SOX30: variants seen among roughly 807,000 people sequenced by gnomAD.
SOX30 encodes the protein transcription factor SOX-30.
Under a neutral mutation model 58.6 loss-of-function variants are expected in SOX30, and 17 were observed. The ratio of observed to expected loss-of-function variants is 0.29; its 90% CI spans 0.20 to 0.44. The LOEUF (loss-of-function observed/expected upper bound fraction) is 0.44, where lower values mean the gene tolerates loss of function less well. Ranked by LOEUF, SOX30 falls within the 20% of genes least tolerant of loss-of-function variation. The pLI is 1.00. For synonymous variants in SOX30, 421 were observed against 400.2 expected (o/e 1.05, Z -0.62); for missense variants, 951 against 965.8 (o/e 0.98, Z 0.20).
intron 2 of SOX30, among the ~76,000 whole-genome samples, chr5:157,659,353 C>T (rs896245748): frequency 2.0e-5 from 3 of 152,158 alleles, no homozygotes; most frequent in South Asian, 2.1e-4. Context: ...GATCCTGTAA[C>T]GTCTTTCTGG....
intron 2 of SOX30, among the ~76,000 whole-genome samples, chr5:157,647,870 A>G (rs958403815): frequency 6.6e-6 from 1 of 151,912 alleles, no homozygotes; most frequent in African/African-American, 2.4e-5. Context: ...ATCAGTCACT[A>G]ATTTTGTGCC....
intron 4 of SOX30, among the ~76,000 whole-genome samples, chr5:157,630,842 TTA>T (rs1337684197): frequency 1.5e-5 from 2 of 130,746 alleles, no homozygotes; most frequent in Non-Finnish European, 3.1e-5. Context: ...TATATATACA[TTA>T]TATATATATT....
At position 157,652,150 on chromosome 5, in the gene SOX30, G is replaced by T. The variant is rs1309385595; in HGVS notation, c.-72C>A. 5.1e-5 allele frequency: 71 copies of T among 1,378,766 alleles called. No homozygotes were observed. Among genetic ancestry groups the T allele is most frequent in the Non-Finnish European group, 6.4e-5 (69 of 1,075,022 alleles). The allele number at this position is 1,378,766 out of a possible 1,614,324, so 85.4% of individuals were successfully genotyped here. A position where few individuals can be genotyped will look rare whatever the true frequency, so the allele number is the denominator to read the frequency against. ...TGGCGACCTTCCCCCTCCCCCTTTC[G>T]GTTAAGAGCCTTGCAAGGCCTTTGC... On this transcript the variant is annotated 5_prime_UTR_variant, in exon 1 of 5. Transcript: ENST00000265007.
Position 157,626,297 on chromosome 5 carries a change from T to G in SOX30, c.*43A>C, listed in dbSNP as rs369711441. On this transcript the variant is annotated 3_prime_UTR_variant, in exon 5 of 5. Transcript: ENST00000265007. Reference sequence around the variant, plus strand: ...TTCTCATACCAACTGACCCAGAATATATTTTAAGAAATGTTTATTTTCTGT... The same window carrying G: ...TTCTCATACCAACTGACCCAGAATAGATTTTAAGAAATGTTTATTTTCTGT... The G allele has an allele frequency of 4.9e-4, 720 of 1,483,406 alleles. 1 individual carries two copies. The highest frequency in any genetic ancestry group is 6.3e-4 in the Non-Finnish European group (695 of 1,102,378). The allele number at this position is 1,483,406 out of a possible 1,614,324, so 91.9% of individuals were successfully genotyped here.
At chr5:157,641,654 A>G (rs1161364292) in intron 3 of SOX30, among the ~76,000 whole-genome samples, 2 of 152,204 alleles carry the variant, frequency 1.3e-5, no homozygotes, top group Non-Finnish European at 2.9e-5. Flanking sequence ...AGATTCTATC[A>G]AAGAAATAGT....
At chr5:157,633,266 C>CTCG (rs1422258788) in intron 4 of SOX30, among the ~76,000 whole-genome samples, 15 of 152,042 alleles carry the variant, frequency 9.9e-5, no homozygotes, top group Admixed American at 2.0e-4. Flanking sequence ...AATTTGTTGC[C>CTCG]AAGACTGGCC....
At chr5:157,632,934 C>T (rs141694239) in intron 4 of SOX30, among the ~76,000 whole-genome samples, 73 of 151,976 alleles carry the variant, frequency 4.8e-4, no homozygotes, top group Non-Finnish European at 9.7e-4. Flanking sequence ...ACTAAAAATA[C>T]AAAAATTAGC....
intron 2 of SOX30, among the ~76,000 whole-genome samples, chr5:157,663,446 T>C (rs954562838): frequency 6.6e-6 from 1 of 152,178 alleles, no homozygotes; most frequent in Non-Finnish European, 1.5e-5. Context: ...ATTGATGGGA[T>C]GTACCTCAAA....
intron 3 of SOX30, among the ~76,000 whole-genome samples, chr5:157,638,968 A>C (rs1297771018): frequency 6.6e-6 from 1 of 152,150 alleles, no homozygotes; most frequent in Non-Finnish European, 1.5e-5. Context: ...CCATGAGAAG[A>C]GCAACGTTTT....
chr5:157,649,280 T>C (rs1349743365), intron 1 of SOX30, among the ~76,000 whole-genome samples: 1 of 152,240 alleles, frequency 6.6e-6, no homozygotes, highest in African/African-American at 2.4e-5. Flanking sequence ...GAACCATGCA[T>C]GACTTACTCG....
rs1356844011 is a variant in SOX30 at position 157,651,707 on chromosome 5, C to T, written c.372G>A (p.Glu124=). The T allele has an allele frequency of 3.2e-6, 5 of 1,587,090 alleles. No homozygotes were observed. Among genetic ancestry groups the T allele is most frequent in the Middle Eastern group, 3.3e-4 (2 of 5,984 alleles). ...GCGCCAGGGGCTGCACCGGGTGCAA[C>T]TCGGGCCTGGAGGTGGCGCCGTCTG... The part of the protein sequence containing the change: ...TASDGATSRP[E]LHPVQPLALH... The change falls in exon 1 of 5, where the codon GAG becomes GAA. Residue 124 remains glutamate, a synonymous_variant. Coordinates refer to ENST00000265007, the MANE Select transcript of SOX30 (RefSeq NM_178424.2).
chr5:157,626,906 C>A (rs1482411235), intron 4 of SOX30, among the ~76,000 whole-genome samples, 185 bp from the exon 5 acceptor site: 2 of 152,220 alleles, frequency 1.3e-5, no homozygotes, highest in African/African-American at 4.8e-5. Context: ...GGAAAGGGAG[C>A]TTGTGACTGG....
upstream of SOX30, among the ~76,000 whole-genome samples, chr5:157,657,118 C>T (rs1161446814): frequency 1.3e-5 from 2 of 151,982 alleles, no homozygotes; most frequent in African/African-American, 4.8e-5. Context: ...TCACATTTGG[C>T]TTATTTGGTA....
In SOX30 at chr5:157,638,413, C is replaced by T. The variant is rs2113838928; in HGVS notation, c.1697G>A (p.Arg566Lys). Residue 566 changes from arginine to lysine, a missense_variant, in exon 4 of 5, where the codon AGG becomes AAG. By Grantham distance (26) the Arg-to-Lys change is conservative. Coordinates refer to ENST00000265007, the MANE Select transcript of SOX30 (RefSeq NM_178424.2). Reference sequence around the variant, plus strand: ...ACAAGGGGAAACGCTGGAATACTCCCTAGGAGGTTGGATGGTCGAAGTTGC... The same window carrying T: ...ACAAGGGGAAACGCTGGAATACTCCTTAGGAGGTTGGATGGTCGAAGTTGC... The part of the protein sequence containing the change: ...RFATSTIQPP[R>K]EYSSVSPCPR... The T allele has an allele frequency of 6.2e-7, 1 of 1,613,596 alleles. No individual in the cohort carries two copies. Among genetic ancestry groups the T allele is most frequent in the Non-Finnish European group, 8.5e-7 (1 of 1,179,710 alleles).
At position 157,632,047 on chromosome 5, in the gene SOX30, T is replaced by TAAAAAAAAAAAAAAAAAAAAAA. The variant is rs570172679; in HGVS notation, c.1881-5348_1881-5327dup. 2.3e-4 allele frequency among the ~76,000 whole-genome samples: 13 copies of TAAAAAAAAAAAAAAAAAAAAAA among 56,408 alleles called. 1 individual carries two copies. Among genetic ancestry groups the TAAAAAAAAAAAAAAAAAAAAAA allele is most frequent in the African/African-American group, 9.4e-4 (12 of 12,776 alleles). 37.0% of individuals were successfully genotyped at this position (56,408 alleles called of 152,430 possible). A position where few individuals can be genotyped will look rare whatever the true frequency, so the allele number is the denominator to read the frequency against. On this transcript the variant is annotated intron_variant, in intron 4 of 4. Coordinates refer to ENST00000265007, the MANE Select transcript of SOX30 (RefSeq NM_178424.2). ...GACACAGCAAGACCCACCCCGTAAC[T>TAAAAAAAAAAAAAAAAAAAAAA]AAAAAAAAAAAAAAAAAAAAAAAAA... is the stretch of plus-strand genomic sequence containing the variant.
chr5:157,663,997 C>G (rs1024489424), intron 2 of SOX30, among the ~76,000 whole-genome samples: 4 of 151,442 alleles, frequency 2.6e-5, no homozygotes, highest in Admixed American at 2.0e-4. Flanking sequence ...TAGGAAGAAT[C>G]AATATCATGA....
chr5:157,658,606 C>G (rs988665876), intron 2 of SOX30, among the ~76,000 whole-genome samples: 1 of 152,152 alleles, frequency 6.6e-6, no homozygotes, highest in African/African-American at 2.4e-5. Flanking sequence ...TCCTCTCTAC[C>G]CTGAATACAA....
At chr5:157,656,354 A>G (rs532708444), upstream of SOX30, among the ~76,000 whole-genome samples, 1 of 152,350 alleles carries the variant, frequency 6.6e-6, no homozygotes, top group Non-Finnish European at 1.5e-5. Context: ...CTTAAAATGT[A>G]AACATTTGGT....
chr5:157,637,578 C>T (rs1378576208), intron 4 of SOX30, among the ~76,000 whole-genome samples: 1 of 152,192 alleles, frequency 6.6e-6, no homozygotes, highest in Non-Finnish European at 1.5e-5. Flanking sequence ...GATTTATATA[C>T]ACAATAAAGT....
Sources: gnomAD v4.1 joint callset for allele counts (sites outside exome capture counted in the v4.1 genomes callset) on GRCh38, gnomAD v4.1.1 for gene constraint, MANE v1.5 for transcripts, NCBI Gene and HGNC (gene_info 2026-07-23, HGNC 2026-07-21) for gene names.